The following SYNE2 variants were observed in gnomAD, a reference collection of about 807,000 sequenced individuals.
SYNE2 encodes the protein spectrin repeat containing nuclear envelope protein 2.
In SYNE2, 431 loss-of-function variants were observed where a neutral mutation model predicts 856.3. The ratio of observed to expected loss-of-function variants is 0.50; its 90% CI spans 0.47 to 0.55. The LOEUF (loss-of-function observed/expected upper bound fraction) is 0.55, where lower values mean the gene tolerates loss of function less well. Ranked by LOEUF, SYNE2 falls within the 20% of genes least tolerant of loss-of-function variation. SYNE2 has a pLI of 0.00. For missense variants in SYNE2, 8,129 were observed against 8,023.2 expected (o/e 1.01, Z -0.50); for synonymous variants, 2,923 against 2,872.3 (o/e 1.02, Z -0.56).
chr14:63,950,916 G>A (rs894762207), intron 7 of SYNE2, among the ~76,000 whole-genome samples: 3 of 151,928 alleles, frequency 2.0e-5, no homozygotes, highest in Middle Eastern at 3.2e-3. Context: ...CTCCGTCTTC[G>A]AAAGTGCTGG....
At chr14:64,014,375 A>T (rs1456838590) in intron 32 of SYNE2, among the ~76,000 whole-genome samples, 1 of 152,086 alleles carries the variant, frequency 6.6e-6, no homozygotes, top group African/African-American at 2.4e-5. Context: ...TTTCTCAGGG[A>T]TGTGTCCAGG....
At chr14:63,815,893 A>G (rs1328541623) in intron 1 of SYNE2, among the ~76,000 whole-genome samples, 2 of 151,442 alleles carry the variant, frequency 1.3e-5, no homozygotes, top group African/African-American at 4.9e-5. Context: ...ATTTGCTCCA[A>G]CCATTAACCT....
chr14:64,071,220 C>G (rs966751293), intron 52 of SYNE2, among the ~76,000 whole-genome samples: 1 of 152,086 alleles, frequency 6.6e-6, no homozygotes, highest in South Asian at 2.1e-4. Context: ...TCAGGCCGAG[C>G]GCGGTGGCTC....
At chr14:63,998,360 C>A in intron 26 of SYNE2, 32 bp downstream of exon 26, 1 of 1,428,446 alleles carries the variant, frequency 7.0e-7, no homozygotes, top group Non-Finnish European at 9.9e-7. Flanking sequence ...CTGGAAAATC[C>A]ACCAGAAGTC....
intron 1 of SYNE2, among the ~76,000 whole-genome samples, chr14:63,780,014 G>A (rs1251915517): frequency 8.5e-5 from 13 of 152,088 alleles, no homozygotes; most frequent in Admixed American, 8.5e-4. Flanking sequence ...GGAAATCCAG[G>A]AATCTATAAT....
At chr14:64,146,304 G>A (rs772352447) in intron 84 of SYNE2, 81 bp downstream of exon 84, 15 of 1,319,978 alleles carry the variant, frequency 1.1e-5, no homozygotes, top group East Asian at 5.0e-5. Flanking sequence ...ATAAGTTGCT[G>A]TAGTTTGTGG....
At chr14:63,952,817 G>A (rs2096184094) in intron 7 of SYNE2, among the ~76,000 whole-genome samples, 1 of 152,176 alleles carries the variant, frequency 6.6e-6, no homozygotes, top group Admixed American at 6.6e-5. Context: ...AGGTCATCTG[G>A]AGCAGACTAT....
At position 64,225,825 on chromosome 14, in the gene SYNE2, T is replaced by C. The variant is rs573423243; in HGVS notation, c.*299T>C. 2 of 588,826 alleles carry C rather than the reference T, an allele frequency of 3.4e-6. No individual in the cohort carries two copies. The highest frequency in any genetic ancestry group is 5.6e-5 in the East Asian group (2 of 35,964). 36.5% of individuals were successfully genotyped at this position (588,826 alleles called of 1,614,324 possible). A position where few individuals can be genotyped will look rare whatever the true frequency, so the allele number is the denominator to read the frequency against. On this transcript the variant is annotated 3_prime_UTR_variant, in exon 116 of 116. Coordinates refer to ENST00000555002, the MANE Select transcript of SYNE2 (RefSeq NM_182914.3). ...GAAGAGCCAAGCACTTTGTGAATTCTGGTTTGTTTGTAAAACAGCATTATT... is the reference window on the plus strand; with the variant it reads ...GAAGAGCCAAGCACTTTGTGAATTCCGGTTTGTTTGTAAAACAGCATTATT...
chr14:64,117,954 A>G (rs2097864444), intron 66 of SYNE2, among the ~76,000 whole-genome samples: 1 of 152,158 alleles, frequency 6.6e-6, no homozygotes, highest in South Asian at 2.1e-4. Context: ...TGAATTATTT[A>G]TTTCTGGAAT....
At chr14:63,908,783 C>T (rs1408576550) in intron 1 of SYNE2, among the ~76,000 whole-genome samples, 2 of 152,162 alleles carry the variant, frequency 1.3e-5, no homozygotes, top group Admixed American at 6.5e-5. Flanking sequence ...GTCAACTTTC[C>T]TTCCTCTAGA....
intron 82 of SYNE2, 114 bp downstream of exon 82, chr14:64,142,202 G>A (rs2098143856): frequency 4.1e-6 from 5 of 1,232,482 alleles, no homozygotes; most frequent in Non-Finnish European, 5.8e-6. Flanking sequence ...AATTCTAGGG[G>A]TAGGAAACTG....
At chr14:64,220,691 A>G (rs2098690280) in intron 111 of SYNE2, 54 bp downstream of exon 111, 1 of 1,589,590 alleles carries the variant, frequency 6.3e-7, no homozygotes, top group African/African-American at 1.3e-5. Context: ...CCCACGTGGT[A>G]GGAGCAGCAG....
intron 1 of SYNE2, among the ~76,000 whole-genome samples, chr14:63,847,712 A>G (rs959950894): frequency 2.7e-5 from 4 of 150,890 alleles, no homozygotes; most frequent in African/African-American, 9.8e-5. Flanking sequence ...CAGCCTCCCA[A>G]GTAGCTGGGA....
chr14:64,104,866 A>G (rs1356358358), intron 64 of SYNE2, among the ~76,000 whole-genome samples: 1 of 152,130 alleles, frequency 6.6e-6, no homozygotes, highest in Non-Finnish European at 1.5e-5. Flanking sequence ...CTATAAATCT[A>G]TTCCACATTT....
At chr14:64,155,163 T>A (rs1467109990) in intron 85 of SYNE2, among the ~76,000 whole-genome samples, 1 of 152,182 alleles carries the variant, frequency 6.6e-6, no homozygotes, top group East Asian at 1.9e-4. Flanking sequence ...CAAAAACTTA[T>A]ACGTGAATAT....
chr14:63,788,648 AG>A (rs1420244540), intron 1 of SYNE2, among the ~76,000 whole-genome samples: 2 of 152,128 alleles, frequency 1.3e-5, no homozygotes, highest in African/African-American at 2.4e-5. Flanking sequence ...ACTCAGAAGG[AG>A]GGGGGTTCCT....
intron 2 of SYNE2, among the ~76,000 whole-genome samples, chr14:63,935,772 G>A (rs565198335): frequency 1.3e-5 from 2 of 152,054 alleles, no homozygotes; most frequent in Admixed American, 6.6e-5. Flanking sequence ...CCAGCGCTTC[G>A]GGAGGCCAAC....
At chr14:63,790,761 C>G (rs999748541) in intron 1 of SYNE2, among the ~76,000 whole-genome samples, 1 of 152,026 alleles carries the variant, frequency 6.6e-6, no homozygotes, top group African/African-American at 2.4e-5. Flanking sequence ...GAAAGAATTG[C>G]CACAATTTTT....
Position 63,878,094 on chromosome 14 carries a change from C to G in SYNE2, c.-52+24951C>G, listed in dbSNP as rs140591845. Reference sequence around the variant, plus strand: ...TAGAGATGAGGTCTTACTGTGTTACCCAGGCTGGTCTTGAACTCCTGGCCT... The same window carrying G: ...TAGAGATGAGGTCTTACTGTGTTACGCAGGCTGGTCTTGAACTCCTGGCCT... On this transcript the variant is annotated intron_variant, in intron 1 of 115. Coordinates refer to ENST00000555002, the MANE Select transcript of SYNE2 (RefSeq NM_182914.3). Among the ~76,000 whole-genome samples, 319 of 152,140 alleles carry G rather than the reference C, an allele frequency of 2.1e-3. 1 individual carries two copies. The highest frequency in any genetic ancestry group is 7.3e-3 in the African/African-American group (305 of 41,502).
Sources: gnomAD v4.1 joint callset for allele counts (sites outside exome capture counted in the v4.1 genomes callset) on GRCh38, gnomAD v4.1.1 for gene constraint, MANE v1.5 for transcripts, NCBI Gene and HGNC (gene_info 2026-07-23, HGNC 2026-07-21) for gene names.